The following RPS6KA2 variants were observed in gnomAD, a reference collection of about 807,000 sequenced individuals.
RPS6KA2 encodes ribosomal protein S6 kinase alpha-2.
A neutral mutation model predicts 91.8 loss-of-function variants in RPS6KA2; 42 were observed. The ratio of observed to expected loss-of-function variants is 0.46; its 90% CI spans 0.36 to 0.59. The LOEUF (loss-of-function observed/expected upper bound fraction) is 0.59, where lower values mean the gene tolerates loss of function less well. Ranked by LOEUF, RPS6KA2 falls within the 20% of genes least tolerant of loss-of-function variation. The pLI is 0.00. For synonymous variants in RPS6KA2, 414 were observed against 393.6 expected (o/e 1.05, Z -0.61); for missense variants, 798 against 978.5 (o/e 0.82, Z 2.46).
chr6:166,633,458 C>A (rs1176702923), intron 2 of RPS6KA2, among the ~76,000 whole-genome samples: 1 of 152,226 alleles, frequency 6.6e-6, no homozygotes, highest in East Asian at 1.9e-4. Flanking sequence ...CTGCATTAAC[C>A]AAGTCTGCAG....
At chr6:166,422,039 G>A (rs59036752) in intron 17 of RPS6KA2, among the ~76,000 whole-genome samples, 1,645 of 152,094 alleles carry the variant, frequency 0.011, 28 homozygotes, top group African/African-American at 0.036. Flanking sequence ...AGCTGGGACT[G>A]TGGGCACACA....
intron 1 of RPS6KA2, among the ~76,000 whole-genome samples, chr6:166,564,995 G>A (rs1211509065): frequency 6.6e-6 from 1 of 152,188 alleles, no homozygotes; most frequent in African/African-American, 2.4e-5. Flanking sequence ...CCCTTATGAG[G>A]TGTTCACGTG....
chr6:166,578,952 C>T (rs1173515076), intron 1 of RPS6KA2, among the ~76,000 whole-genome samples: 2 of 152,208 alleles, frequency 1.3e-5, no homozygotes, highest in East Asian at 1.9e-4. Context: ...CTCAACTGCA[C>T]TCAGAGAGAC....
intron 1 of RPS6KA2, among the ~76,000 whole-genome samples, chr6:166,580,677 AC>A (rs1279022013): frequency 7.0e-6 from 1 of 142,034 alleles, no homozygotes; most frequent in Non-Finnish European, 1.5e-5. Flanking sequence ...CCAACCCCTG[AC>A]CCCCTCAGTG....
At chr6:166,521,898 G>A (rs1020244551) in intron 3 of RPS6KA2, among the ~76,000 whole-genome samples, 6 of 152,288 alleles carry the variant, frequency 3.9e-5, no homozygotes, top group South Asian at 2.1e-4. Context: ...TGGGGCCTCC[G>A]GGAGGTGATT....
intron 2 of RPS6KA2, among the ~76,000 whole-genome samples, chr6:166,823,616 AGT>A (rs1253914212): frequency 3.3e-5 from 5 of 152,180 alleles, no homozygotes; most frequent in Admixed American, 6.5e-5. Flanking sequence ...ATTTTCTGTG[AGT>A]GATATTTGTT....
intron 2 of RPS6KA2, among the ~76,000 whole-genome samples, chr6:166,704,450 T>C (rs771019722): frequency 6.6e-6 from 1 of 152,202 alleles, no homozygotes; most frequent in Non-Finnish European, 1.5e-5. Context: ...GGTGTGAAGA[T>C]AATATAAAAG....
chr6:166,480,477 T>TATATATATA (rs1347612534), intron 10 of RPS6KA2, among the ~76,000 whole-genome samples: 31 of 43,888 alleles, frequency 7.1e-4, no homozygotes, highest in East Asian at 1.3e-3. Flanking sequence ...AAGATTGTGA[T>TATATATATA]TTTATATATA....
chr6:166,527,072 T>C (rs1300142730), intron 3 of RPS6KA2, among the ~76,000 whole-genome samples: 1 of 152,208 alleles, frequency 6.6e-6, no homozygotes, highest in Non-Finnish European at 1.5e-5. Context: ...GTCATCGAGA[T>C]GGAGCGTTCT....
chr6:166,529,621 A>C (rs1446626709), intron 3 of RPS6KA2, among the ~76,000 whole-genome samples: 1 of 152,256 alleles, frequency 6.6e-6, no homozygotes, highest in East Asian at 1.9e-4. Flanking sequence ...TACAATTGAT[A>C]ACACTGAACT....
At chr6:166,638,767 G>T (rs1787329286) in intron 2 of RPS6KA2, among the ~76,000 whole-genome samples, 1 of 152,138 alleles carries the variant, frequency 6.6e-6, no homozygotes, top group Non-Finnish European at 1.5e-5. Context: ...GCTGGGTGGG[G>T]CTACCGGCAT....
intron 2 of RPS6KA2, among the ~76,000 whole-genome samples, chr6:166,704,498 C>G (rs972887239): frequency 6.6e-6 from 1 of 152,212 alleles, no homozygotes; most frequent in African/African-American, 2.4e-5. Context: ...GATGCACTCA[C>G]GTTTTAAGTC....
intron 2 of RPS6KA2, among the ~76,000 whole-genome samples, chr6:166,801,287 G>A (rs1467098625): frequency 1.3e-5 from 2 of 152,116 alleles, no homozygotes; most frequent in Non-Finnish European, 2.9e-5. Flanking sequence ...AAGTAAAAGC[G>A]GAGGAGGTGG....
intron 2 of RPS6KA2, among the ~76,000 whole-genome samples, chr6:166,738,804 G>C (rs1330479756): frequency 6.6e-6 from 1 of 152,192 alleles, no homozygotes; most frequent in African/African-American, 2.4e-5. Flanking sequence ...AGAAATGCTT[G>C]AGTCCAGCAA....
rs1290996052 is a variant in RPS6KA2 at position 166,493,492 on chromosome 6, G to A, written c.748-2751C>T. Among the ~76,000 whole-genome samples the A allele has an allele frequency of 2.6e-5, 4 of 152,052 alleles. No individual in the cohort carries two copies. The highest frequency in any genetic ancestry group is 5.9e-5 in the Non-Finnish European group (4 of 68,026). ...AGCACTGAGACTTGCCAAGGCTTCC[G>A]GGGTGAACTGAGAAAAGCCGAGGTT... is the stretch of plus-strand genomic sequence containing the variant. On this transcript the variant is annotated intron_variant, in intron 8 of 20. Coordinates refer to ENST00000265678, the MANE Select transcript of RPS6KA2 (RefSeq NM_021135.6). The surrounding 1 kb of genome is among the most constrained non-coding windows in gnomAD (Gnocchi z 4.7).
At chr6:166,668,482 T>G (rs1176564403) in intron 2 of RPS6KA2, among the ~76,000 whole-genome samples, 1 of 152,094 alleles carries the variant, frequency 6.6e-6, no homozygotes. Flanking sequence ...ACCACAGCAG[T>G]TATTTCACAG....
At chr6:166,426,201 T>C (rs1193295042) in intron 16 of RPS6KA2, among the ~76,000 whole-genome samples, 2 of 151,800 alleles carry the variant, frequency 1.3e-5, no homozygotes, top group Non-Finnish European at 2.9e-5. Context: ...CCTGAATGAC[T>C]ACTGGGTACA....
At chr6:166,568,495 T>G (rs1028490898) in intron 1 of RPS6KA2, among the ~76,000 whole-genome samples, 2 of 151,948 alleles carry the variant, frequency 1.3e-5, no homozygotes, top group African/African-American at 4.8e-5. Context: ...CAGGCACCTG[T>G]AGTCCCAGCT....
intron 3 of RPS6KA2, among the ~76,000 whole-genome samples, chr6:166,518,974 TTCATGGCCCATA>T (rs1244764141): frequency 6.6e-6 from 1 of 152,230 alleles, no homozygotes; most frequent in Non-Finnish European, 1.5e-5. Flanking sequence ...GTGTCAGTCA[TTCATGGCCCATA>T]TCCAGGGATG....
Sources: allele counts gnomAD v4.1 joint callset (sites outside exome capture counted in the v4.1 genomes callset), GRCh38; gene constraint gnomAD v4.1.1; non-coding constraint Gnocchi (gnomAD v3.1); transcripts MANE v1.5; gene names NCBI Gene and HGNC (gene_info 2026-07-23, HGNC 2026-07-21).